Variants in MAGI1 observed in about 807,000 individuals in gnomAD.
MAGI1 encodes the protein membrane-associated guanylate kinase, WW and PDZ domain-containing protein 1.
MAGI1 carries 58 observed loss-of-function variants against 139.9 expected under a neutral mutation model. The ratio of observed to expected loss-of-function variants is 0.41; its 90% CI spans 0.34 to 0.52. The LOEUF (loss-of-function observed/expected upper bound fraction) is 0.52. MAGI1 is among the 20% of genes least tolerant of loss of function. The pLI, the probability that MAGI1 is intolerant of heterozygous loss-of-function variation, is 0.12. For synonymous variants in MAGI1, 812 were observed against 737.9 expected (o/e 1.10, Z -1.63); for missense variants, 1,874 against 1,901.6 (o/e 0.99, Z 0.27).
chr3:65,473,182 T>C (rs1950658268), intron 4 of MAGI1, among the ~76,000 whole-genome samples: 1 of 152,182 alleles, frequency 6.6e-6, no homozygotes, highest in Non-Finnish European at 1.5e-5. Context: ...TTATGATTAA[T>C]TTTGTCTTCA....
intron 5 of MAGI1, among the ~76,000 whole-genome samples, chr3:65,466,976 T>C (rs902858541): frequency 1.7e-4 from 26 of 152,344 alleles, no homozygotes; most frequent in African/African-American, 6.3e-4. Flanking sequence ...TCCTGATCCT[T>C]TGGCTAGAGA....
At chr3:65,602,418 C>T (rs556609599) in intron 2 of MAGI1, among the ~76,000 whole-genome samples, 20 of 152,168 alleles carry the variant, frequency 1.3e-4, no homozygotes, top group South Asian at 4.2e-4. Context: ...GAAAACATCA[C>T]GCTGAGTAAA....
chr3:65,477,402 A>T (rs1950952542), intron 4 of MAGI1, among the ~76,000 whole-genome samples: 1 of 152,190 alleles, frequency 6.6e-6, no homozygotes, highest in Non-Finnish European at 1.5e-5. Flanking sequence ...TCAAACAATG[A>T]CCAAAGTATA....
chr3:65,616,410 A>G (rs2083372729), intron 2 of MAGI1, among the ~76,000 whole-genome samples: 1 of 152,200 alleles, frequency 6.6e-6, no homozygotes, highest in Admixed American at 6.5e-5. Context: ...GAAAAGAGAT[A>G]GAGTCGAAGC....
chr3:65,840,490 A>C (rs1041050095), intron 1 of MAGI1, among the ~76,000 whole-genome samples: 1 of 152,208 alleles, frequency 6.6e-6, no homozygotes, highest in African/African-American at 2.4e-5. Flanking sequence ...CATTTTATCA[A>C]ATAATTTTTC....
At chr3:65,398,189 T>C (rs1944542858) in intron 13 of MAGI1, among the ~76,000 whole-genome samples, 1 of 152,078 alleles carries the variant, frequency 6.6e-6, no homozygotes, top group Non-Finnish European at 1.5e-5. Context: ...GGATGAAAGA[T>C]GAATATGTAG....
chr3:65,605,157 A>T (rs1407739173), intron 2 of MAGI1, among the ~76,000 whole-genome samples: 2 of 152,232 alleles, frequency 1.3e-5, no homozygotes, highest in African/African-American at 4.8e-5. Context: ...AATTTGCATG[A>T]CGAGACCTCA....
At chr3:65,357,944 T>C (rs1305702871) in intron 22 of MAGI1, among the ~76,000 whole-genome samples, 1 of 152,164 alleles carries the variant, frequency 6.6e-6, no homozygotes, top group Admixed American at 6.5e-5. Context: ...AAAAGGTGTT[T>C]TCTGATAGAT....
intron 1 of MAGI1, among the ~76,000 whole-genome samples, chr3:65,789,027 A>C (rs1319155924): frequency 6.6e-6 from 1 of 152,012 alleles, no homozygotes; most frequent in Non-Finnish European, 1.5e-5. Context: ...AAAAAATGTA[A>C]AACATTAGCC....
intron 1 of MAGI1, among the ~76,000 whole-genome samples, chr3:65,940,250 T>A (rs2063243714): frequency 6.6e-6 from 1 of 152,224 alleles, no homozygotes; most frequent in African/African-American, 2.4e-5. Flanking sequence ...TTACTCTGTA[T>A]GCCACACTCT....
chr3:65,678,345 A>C (rs1218088197), intron 1 of MAGI1, among the ~76,000 whole-genome samples: 1 of 72,290 alleles, frequency 1.4e-5, no homozygotes, highest in Non-Finnish European at 2.6e-5. Context: ...ACCTTTAAAA[A>C]ATAAAATAAA....
chr3:65,465,811 C>T (rs1255478646), intron 5 of MAGI1, among the ~76,000 whole-genome samples: 1 of 152,124 alleles, frequency 6.6e-6, no homozygotes, highest in Admixed American at 6.6e-5. Flanking sequence ...CTTTTCTTTT[C>T]AGTCCTACCC....
intron 21 of MAGI1, among the ~76,000 whole-genome samples, chr3:65,361,892 G>A (rs939439183): frequency 6.6e-6 from 1 of 152,200 alleles, no homozygotes; most frequent in Admixed American, 6.5e-5. Flanking sequence ...AACCACGTGA[G>A]TGAGCTTAAA....
intron 2 of MAGI1, among the ~76,000 whole-genome samples, chr3:65,520,116 G>A (rs777093760): frequency 7.2e-5 from 11 of 152,192 alleles, no homozygotes; most frequent in Non-Finnish European, 1.5e-4. Flanking sequence ...GCTAGATCCC[G>A]TTGAACCACC....
intron 2 of MAGI1, among the ~76,000 whole-genome samples, chr3:65,507,520 G>A (rs2077346369): frequency 6.6e-6 from 1 of 152,158 alleles, no homozygotes; most frequent in South Asian, 2.1e-4. Context: ...TTCGTAACAT[G>A]CTTATGTTTT....
intron 5 of MAGI1, among the ~76,000 whole-genome samples, chr3:65,457,162 C>T (rs981443238): frequency 2.6e-5 from 4 of 151,932 alleles, no homozygotes; most frequent in Non-Finnish European, 4.4e-5. Flanking sequence ...AATTCTGAGT[C>T]TTCCTGTATG....
chr3:65,609,080 G>T (rs926252645), intron 2 of MAGI1, among the ~76,000 whole-genome samples: 1 of 152,110 alleles, frequency 6.6e-6, no homozygotes, highest in Non-Finnish European at 1.5e-5. Flanking sequence ...GGTTACTTTT[G>T]GGAAGGAAGG....
At chr3:65,619,556 C>T (rs1328564221) in intron 2 of MAGI1, among the ~76,000 whole-genome samples, 2 of 152,130 alleles carry the variant, frequency 1.3e-5, no homozygotes, top group Non-Finnish European at 2.9e-5. Context: ...ACAGATTACA[C>T]GAGCCCATTT....
At position 65,389,145 on chromosome 3, in the gene MAGI1, G is replaced by A. The variant is rs1182527605; in HGVS notation, c.2416+1997C>T. 3.9e-5 allele frequency among the ~76,000 whole-genome samples: 6 copies of A among 152,120 alleles called. No homozygotes were observed. The South Asian group carries it at 6.2e-4, about 16-fold the overall frequency. ...TGACTGAGCCGTGGCGCCTGGCCCC[G>A]AATATTTCAGTCCGGCTGCCACCTG... On this transcript the variant is annotated intron_variant, in intron 14 of 22. Coordinates refer to ENST00000402939, the MANE Select transcript of MAGI1 (RefSeq NM_001033057.2).
Sources: allele counts gnomAD v4.1 joint callset (sites outside exome capture counted in the v4.1 genomes callset), GRCh38; gene constraint gnomAD v4.1.1; transcripts MANE v1.5; gene names NCBI Gene and HGNC (gene_info 2026-07-23, HGNC 2026-07-21).